SLC25A13: variants seen among roughly 807,000 people sequenced by gnomAD.
SLC25A13 encodes the protein electrogenic aspartate/glutamate antiporter SLC25A13, mitochondrial.
In SLC25A13, 70 loss-of-function variants were observed where a neutral mutation model predicts 85.5. The ratio of observed to expected loss-of-function variants is 0.82; its 90% CI spans 0.68 to 1.00. The LOEUF (loss-of-function observed/expected upper bound fraction) is 1.00. SLC25A13 is among the 50% of genes least tolerant of loss of function. The pLI is 0.00. For missense variants in SLC25A13, 765 were observed against 819.8 expected (o/e 0.93, Z 0.82); for synonymous variants, 259 against 288.7 (o/e 0.90, Z 1.04).
At chr7:96,226,749 T>C (rs549864373) in intron 4 of SLC25A13, among the ~76,000 whole-genome samples, 1 of 152,294 alleles carries the variant, frequency 6.6e-6, no homozygotes, top group South Asian at 2.1e-4. Context: ...AAAAACAAAT[T>C]TGTGTAAATG....
At chr7:96,288,994 G>A (rs567049052) in intron 2 of SLC25A13, among the ~76,000 whole-genome samples, 2 of 152,310 alleles carry the variant, frequency 1.3e-5, no homozygotes, top group East Asian at 3.9e-4. Context: ...TAGCCTAACT[G>A]GGAGGCGCCC....
At chr7:96,179,497 G>A (rs572559610) in intron 11 of SLC25A13, among the ~76,000 whole-genome samples, 4 of 152,220 alleles carry the variant, frequency 2.6e-5, no homozygotes, top group South Asian at 2.1e-4. Flanking sequence ...AGTGTGTGTC[G>A]CCTCAGTCTC....
chr7:96,196,234 A>G (rs1186091331), intron 5 of SLC25A13, among the ~76,000 whole-genome samples: 1 of 152,250 alleles, frequency 6.6e-6, no homozygotes, highest in African/African-American at 2.4e-5. Context: ...TTCAATTGAA[A>G]GTAAATGAAC....
chr7:96,168,017 T>C (rs1427513521), intron 13 of SLC25A13, among the ~76,000 whole-genome samples: 2 of 143,828 alleles, frequency 1.4e-5, no homozygotes, highest in African/African-American at 5.2e-5. Context: ...GGAGAATCGC[T>C]TGAACCCGGG....
chr7:96,307,520 A>T (rs920518008), intron 1 of SLC25A13, among the ~76,000 whole-genome samples: 1 of 151,826 alleles, frequency 6.6e-6, no homozygotes, highest in African/African-American at 2.4e-5. Flanking sequence ...GCGCCACTGC[A>T]CGCCAGCCTG....
At chr7:96,253,312 G>C (rs1797507013) in intron 3 of SLC25A13, among the ~76,000 whole-genome samples, 1 of 152,098 alleles carries the variant, frequency 6.6e-6, no homozygotes, top group Non-Finnish European at 1.5e-5. Context: ...GAGAGGGAAG[G>C]AATGAGAGGA....
intron 14 of SLC25A13, among the ~76,000 whole-genome samples, chr7:96,140,030 C>T (rs1792460974): frequency 7.3e-6 from 1 of 137,544 alleles, no homozygotes; most frequent in South Asian, 2.3e-4. Flanking sequence ...GGGATCTCGG[C>T]TCACTGCAAG....
At chr7:96,252,833 C>A (rs184429590) in intron 3 of SLC25A13, among the ~76,000 whole-genome samples, 8 of 152,148 alleles carry the variant, frequency 5.3e-5, no homozygotes, top group African/African-American at 1.9e-4. Context: ...GTGGGTCACA[C>A]CTGTAATCCC....
chr7:96,152,000 A>G (rs1300677067), intron 13 of SLC25A13, among the ~76,000 whole-genome samples: 2 of 152,244 alleles, frequency 1.3e-5, no homozygotes, highest in Admixed American at 1.3e-4. Context: ...CTGAGGCTAC[A>G]AAAAGTAAAG....
chr7:96,286,470 A>T (rs903819854), intron 2 of SLC25A13, among the ~76,000 whole-genome samples: 1 of 152,094 alleles, frequency 6.6e-6, no homozygotes, highest in Non-Finnish European at 1.5e-5. Context: ...TTGCCTAAAA[A>T]GGTCTTCCAT....
intron 3 of SLC25A13, among the ~76,000 whole-genome samples, chr7:96,269,477 A>G (rs1798153428): frequency 6.6e-6 from 1 of 152,224 alleles, no homozygotes; most frequent in Non-Finnish European, 1.5e-5. Context: ...ATCAAGCCAA[A>G]ACTACCACTA....
At chr7:96,159,334 C>T (rs1339415396) in intron 13 of SLC25A13, among the ~76,000 whole-genome samples, 1 of 152,132 alleles carries the variant, frequency 6.6e-6, no homozygotes, top group African/African-American at 2.4e-5. Context: ...CAGAATGTGA[C>T]CGGATTTGGA....
chr7:96,120,499 G>A lies in SLC25A13; in HGVS notation c.*692C>T, dbSNP rs1272112642. On this transcript the variant is annotated 3_prime_UTR_variant, in exon 18 of 18. Coordinates refer to ENST00000265631, the MANE Select transcript of SLC25A13 (RefSeq NM_014251.3). ...AGTTTTTCAAAATTAGCACTTCCAG[G>A]AGAGGGGCTACATCTCAGTTTTTTC... 4.4e-6 allele frequency: 2 copies of A among 454,314 alleles called. No individual in the cohort carries two copies. Among genetic ancestry groups the A allele is most frequent in the African/African-American group, 2.0e-5 (1 of 49,970 alleles). The allele number at this position is 454,314 out of a possible 1,614,324, so 28.1% of individuals were successfully genotyped here.
chr7:96,171,894 T>C (rs774358440), intron 11 of SLC25A13, among the ~76,000 whole-genome samples: 2 of 152,170 alleles, frequency 1.3e-5, no homozygotes, highest in East Asian at 3.8e-4. Flanking sequence ...GAACATTTAG[T>C]GGAGCTACGT....
chr7:96,244,792 C>T (rs1584505522), intron 3 of SLC25A13, among the ~76,000 whole-genome samples: 1 of 152,302 alleles, frequency 6.6e-6, no homozygotes, highest in South Asian at 2.1e-4. Context: ...AATTCATTGG[C>T]TCCAGTGAAA....
At chr7:96,262,304 A>G (rs907492470) in intron 3 of SLC25A13, among the ~76,000 whole-genome samples, 2 of 152,190 alleles carry the variant, frequency 1.3e-5, no homozygotes, top group African/African-American at 4.8e-5. Flanking sequence ...TTTCTACACT[A>G]ACACCAAACA....
chr7:96,303,997 T>A (rs1799647881), intron 1 of SLC25A13, among the ~76,000 whole-genome samples: 1 of 152,044 alleles, frequency 6.6e-6, no homozygotes, highest in Non-Finnish European at 1.5e-5. Context: ...ACTGATACAA[T>A]CAGTAATTGC....
chr7:96,243,107 A>C (rs1053532647), intron 3 of SLC25A13, among the ~76,000 whole-genome samples: 5 of 152,144 alleles, frequency 3.3e-5, no homozygotes, highest in African/African-American at 1.2e-4. Context: ...TGGGGATTAC[A>C]GGCGTGCGCC....
intron 1 of SLC25A13, among the ~76,000 whole-genome samples, chr7:96,319,663 A>G (rs1800265122): frequency 6.6e-6 from 1 of 152,030 alleles, no homozygotes; most frequent in Admixed American, 6.6e-5. Context: ...AATCACCTCT[A>G]GTAAGCACAT....
Sources: gnomAD v4.1 joint callset for allele counts (sites outside exome capture counted in the v4.1 genomes callset) on GRCh38, gnomAD v4.1.1 for gene constraint, MANE v1.5 for transcripts, NCBI Gene and HGNC (gene_info 2026-07-23, HGNC 2026-07-21) for gene names.